The following ADAM22 variants were observed in gnomAD, a reference collection of about 807,000 sequenced individuals.
ADAM22 encodes the protein disintegrin and metalloproteinase domain-containing protein 22.
In ADAM22, 65 loss-of-function variants were observed where a neutral mutation model predicts 144.6. That is an observed-to-expected ratio of 0.45 (90% CI 0.37 to 0.55). The LOEUF (loss-of-function observed/expected upper bound fraction) is 0.55. Ranked by LOEUF, ADAM22 falls within the 20% of genes least tolerant of loss-of-function variation. ADAM22 has a pLI of 0.00. For synonymous variants in ADAM22, 391 were observed against 412.6 expected, an observed-to-expected ratio of 0.95 and a Z score of 0.63; for missense variants, 974 against 1,184.9, an observed-to-expected ratio of 0.82 and a Z score of 2.61.
intron 2 of ADAM22, among the ~76,000 whole-genome samples, chr7:87,943,185 T>A (rs1842804126): frequency 6.7e-6 from 1 of 149,796 alleles, no homozygotes; most frequent in Admixed American, 6.7e-5. Context: ...AATATATAAC[T>A]TTTTTTGTCA....
chr7:88,035,154 C>T (rs764666072), intron 3 of ADAM22, among the ~76,000 whole-genome samples: 9 of 152,134 alleles, frequency 5.9e-5, no homozygotes, highest in African/African-American at 1.7e-4. Flanking sequence ...GTGTTTGCCT[C>T]GTTCTCCTAA....
At chr7:87,963,690 G>C (rs191236049) in intron 2 of ADAM22, among the ~76,000 whole-genome samples, 1 of 152,284 alleles carries the variant, frequency 6.6e-6, no homozygotes, top group East Asian at 1.9e-4. Context: ...GCCCCTGTAT[G>C]CTCAGTTTTG....
chr7:88,163,023 T>C lies in ADAM22; in HGVS notation c.1919T>C (p.Val640Ala). 3.1e-6 allele frequency: 5 copies of C among 1,608,786 alleles called. No homozygotes were observed. The highest frequency in any genetic ancestry group is 4.2e-6 in the Non-Finnish European group (5 of 1,177,994). Residue 640 changes from valine to alanine, a missense_variant, in exon 23 of 32, where the codon GTT becomes GCT. Val to Ala is a moderately conservative substitution (Grantham distance 64). Transcript: ENST00000413139. The stretch of plus-strand genomic sequence containing the variant: ...CAATTTGTTTTTAGTGGTGGGCATG[T>C]TAAGCTTGAAGAAGATGTAGATCTT... ...GRTLNCSGGH[V>A]KLEEDVDLGY...
chr7:88,071,029 A>T (rs892512581), intron 3 of ADAM22, among the ~76,000 whole-genome samples: 16 of 152,174 alleles, frequency 1.1e-4, no homozygotes, highest in Non-Finnish European at 1.6e-4. Flanking sequence ...GCCTATGACC[A>T]TTCAAGATGT....
chr7:88,109,476 A>C (rs780532293), intron 5 of ADAM22, among the ~76,000 whole-genome samples: 81 of 152,190 alleles, frequency 5.3e-4, no homozygotes, highest in Non-Finnish European at 1.2e-4. Flanking sequence ...TTGGCACAGA[A>C]CAATCCAGCA....
intron 4 of ADAM22, among the ~76,000 whole-genome samples, chr7:88,107,421 G>A (rs1824734801): frequency 6.6e-6 from 1 of 151,662 alleles, no homozygotes; most frequent in South Asian, 2.1e-4. Flanking sequence ...GGCTGGTTTG[G>A]AACTCCTGAC....
chr7:87,943,724 C>T (rs555545598), intron 2 of ADAM22, among the ~76,000 whole-genome samples: 25 of 152,220 alleles, frequency 1.6e-4, no homozygotes, highest in Admixed American at 5.2e-4. Context: ...ATCAGCGGTT[C>T]TAACTGGAAA....
chr7:88,163,116 T>C lies in ADAM22; in HGVS notation c.2012T>C (p.Val671Ala), dbSNP rs1319342376. 1 of 1,612,438 alleles carries C rather than the reference T, an allele frequency of 6.2e-7. No homozygotes were observed. Among genetic ancestry groups the C allele is most frequent in the African/African-American group, 1.3e-5 (1 of 74,916 alleles). ...TGCTTAGAACACAGGTGTCTTCCTG[T>C]GGCTTCTTTCAACTTTAGTACTTGC... ...MMCLEHRCLPVASFNFSTCLS... is the reference protein window; with the variant it reads ...MMCLEHRCLPAASFNFSTCLS... Residue 671 changes from valine (V) to alanine (A), a missense_variant, in exon 23 of 32, where the codon GTG becomes GCG. Coordinates refer to ENST00000413139, the MANE Select transcript of ADAM22 (RefSeq NM_001324418.2).
chr7:88,152,353 A>G (rs1838678350), intron 20 of ADAM22, among the ~76,000 whole-genome samples: 1 of 152,126 alleles, frequency 6.6e-6, no homozygotes, highest in African/African-American at 2.4e-5. Flanking sequence ...GTTTTAGAAA[A>G]GATAAAAGCC....
At chr7:88,145,051 G>T in intron 15 of ADAM22, 74 bp from the exon 16 acceptor site, 1 of 1,293,426 alleles carries the variant, frequency 7.7e-7, no homozygotes, top group South Asian at 1.3e-5. Context: ...ATTTGGGTAT[G>T]GCACTTATGG....
chr7:87,986,990 G>A (rs1788636216), intron 3 of ADAM22, among the ~76,000 whole-genome samples: 2 of 152,110 alleles, frequency 1.3e-5, no homozygotes, highest in African/African-American at 2.4e-5. Context: ...TTTATCAGGT[G>A]AGTGAAAAAT....
intron 3 of ADAM22, among the ~76,000 whole-genome samples, chr7:88,054,288 A>G (rs1807531167): frequency 6.6e-6 from 1 of 152,198 alleles, no homozygotes; most frequent in South Asian, 2.1e-4. Flanking sequence ...GAAACATATG[A>G]AAGTTCCTTT....
At chr7:87,944,219 G>A (rs979316049) in intron 2 of ADAM22, among the ~76,000 whole-genome samples, 1 of 151,928 alleles carries the variant, frequency 6.6e-6, no homozygotes, top group Non-Finnish European at 1.5e-5. Flanking sequence ...GAGGTTAGGG[G>A]ATTTGAACCT....
intron 3 of ADAM22, among the ~76,000 whole-genome samples, chr7:88,039,949 A>G (rs532828388): frequency 4.5e-4 from 68 of 151,874 alleles, no homozygotes; most frequent in African/African-American, 1.5e-3. Context: ...ATGTAGACAT[A>G]TCCAAGCCTG....
rs148954354 is a variant in ADAM22, at chr7:88,083,453, C to T, written c.390+7761C>T. On this transcript the variant is annotated intron_variant, in intron 4 of 31. Transcript: ENST00000413139. The stretch of plus-strand genomic sequence containing the variant: ...TGTATACATATGTAACAAACCTGCA[C>T]GTTGTTCCCATGTACCCTAAAACTT... 5.4e-3 allele frequency among the ~76,000 whole-genome samples: 819 copies of T among 151,892 alleles called. 11 individuals are homozygous for T. Among genetic ancestry groups the T allele is most frequent in the East Asian group, 0.037 (193 of 5,166 alleles).
chr7:87,935,329 C>G, intron 2 of ADAM22, 143 bp downstream of exon 2: 1 of 989,350 alleles, frequency 1.0e-6, no homozygotes. Flanking sequence ...ATGGCGCTCC[C>G]TGTGCAAAAA....
Position 88,197,416 on chromosome 7 carries a change from C to A in ADAM22, c.*925C>A, listed in dbSNP as rs1850798922. On this transcript the variant is annotated 3_prime_UTR_variant, in exon 32 of 32. Transcript: ENST00000413139. ...TTCTGGCCTCCACAGTTTGCTGATG[C>A]AGGAGCCCACTCTGCTGCCGATGGG... 1 of 152,216 alleles carries A rather than the reference C, an allele frequency of 6.6e-6. No homozygotes were observed. The highest frequency in any genetic ancestry group is 6.5e-5 in the Admixed American group (1 of 15,284). The allele number at this position is 152,216 out of a possible 1,614,324, so 9.4% of individuals were successfully genotyped here. A position where few individuals can be genotyped will look rare whatever the true frequency, so the allele number is the denominator to read the frequency against.
At chr7:88,138,904 A>T (rs1025103221) in intron 14 of ADAM22, among the ~76,000 whole-genome samples, 3 of 152,366 alleles carry the variant, frequency 2.0e-5, no homozygotes, top group Non-Finnish European at 4.4e-5. Context: ...TGGGGAGTTT[A>T]CTGTCACTGC....
chr7:87,981,963 T>A (rs953717513), intron 3 of ADAM22, among the ~76,000 whole-genome samples: 5 of 151,864 alleles, frequency 3.3e-5, no homozygotes, highest in African/African-American at 1.2e-4. Context: ...TGAATATTTG[T>A]TCCCATGTAC....
Sources: allele counts gnomAD v4.1 joint callset (sites outside exome capture counted in the v4.1 genomes callset), GRCh38; gene constraint gnomAD v4.1.1; transcripts MANE v1.5; gene names NCBI Gene and HGNC (gene_info 2026-07-23, HGNC 2026-07-21).